Variants in NFASC observed in about 807,000 individuals in gnomAD.
NFASC encodes neurofascin homolog.
A neutral mutation model predicts 147.5 loss-of-function variants in NFASC; 43 were observed. The observed-to-expected ratio is 0.29, with a 90% CI of 0.23 to 0.38. The LOEUF (loss-of-function observed/expected upper bound fraction) is 0.38. NFASC is among the 10% of genes least tolerant of loss of function. The pLI is 1.00. For synonymous variants in NFASC, 622 were observed against 665.5 expected (o/e 0.93, Z 1.01); for missense variants, 1,320 against 1,689.0 (o/e 0.78, Z 3.83).
chr1:204,898,758 G>T (rs965696779), intron 1 of NFASC, among the ~76,000 whole-genome samples: 1 of 152,180 alleles, frequency 6.6e-6, no homozygotes, highest in East Asian at 1.9e-4. Flanking sequence ...AGCTCACACA[G>T]ATCTCCTTTC....
chr1:204,976,555 CAGA>C (rs2095409058), intron 15 of NFASC, 113 bp from the exon 16 acceptor site: 1 of 723,408 alleles, frequency 1.4e-6, no homozygotes, highest in African/African-American at 1.8e-5. Flanking sequence ...CTCATACCCC[CAGA>C]AGGAGCTTCC....
At chr1:204,953,319 C>T (rs559696950) in intron 5 of NFASC, among the ~76,000 whole-genome samples, 24 of 152,286 alleles carry the variant, frequency 1.6e-4, no homozygotes, top group African/African-American at 4.8e-4. Flanking sequence ...CTAATTGAGA[C>T]GGAGTCTCGC....
rs2095614583 is a variant in NFASC, at chr1:204,986,326, G to A, written c.2471-1092G>A. On this transcript the variant is annotated intron_variant, in intron 21 of 29. Coordinates refer to ENST00000339876, the MANE Select transcript of NFASC (RefSeq NM_001005388.3). The surrounding 1 kb of genome is among the most constrained non-coding windows in gnomAD (Gnocchi z 4.2). ...GCCCTGCGAGGAGGTTGTATCTCAA[G>A]AGAAGACCTGTGAGGTCTGCTGACA... Among the ~76,000 whole-genome samples the A allele has an allele frequency of 6.6e-6, 1 of 152,230 alleles. No individual in the cohort carries two copies. The highest frequency in any genetic ancestry group is 1.5e-5 in the Non-Finnish European group (1 of 68,036).
rs570118348 is a variant in NFASC at position 204,899,403 on chromosome 1, G to T, written c.-199-21229G>T. ...GGAGAAGCTCCTGGGGCTGAGGCCG[G>T]CAGCTGGGCAACACTCAGCATCTCT... On this transcript the variant is annotated intron_variant, in intron 1 of 29. Coordinates refer to ENST00000339876, the MANE Select transcript of NFASC (RefSeq NM_001005388.3). Among the ~76,000 whole-genome samples, 28 of 136,220 alleles carry T rather than the reference G, an allele frequency of 2.1e-4. No homozygotes were observed. The East Asian group carries it at 7.1e-3, about 35-fold the overall frequency. The allele number at this position is 136,220 out of a possible 152,430, so 89.4% of individuals were successfully genotyped here. A position where few individuals can be genotyped will look rare whatever the true frequency, so the allele number is the denominator to read the frequency against.
At position 204,888,505 on chromosome 1, in the gene NFASC, A is replaced by C. The variant is rs138989707; in HGVS notation, c.-199-32127A>C. On this transcript the variant is annotated intron_variant, in intron 1 of 29. Coordinates refer to ENST00000339876, the MANE Select transcript of NFASC (RefSeq NM_001005388.3). ...AACTAACTGTCCTTCTAGGGTTAAAACAGAGGGGACTTCCTTATGCTGACT... is the reference window on the plus strand; with the variant it reads ...AACTAACTGTCCTTCTAGGGTTAAACCAGAGGGGACTTCCTTATGCTGACT... Among the ~76,000 whole-genome samples the C allele has an allele frequency of 5.1e-3, 781 of 152,312 alleles. 16 individuals carry two copies. The highest frequency in any genetic ancestry group is 0.045 in the Admixed American group (685 of 15,300).
chr1:204,851,506 T>G (rs1265409157), intron 1 of NFASC, among the ~76,000 whole-genome samples: 1 of 152,008 alleles, frequency 6.6e-6, no homozygotes, highest in African/African-American at 2.4e-5. Flanking sequence ...CCAATTTTTG[T>G]GTTTTTAGTG....
At chr1:204,976,311 AG>A (rs1369997903) in intron 15 of NFASC, among the ~76,000 whole-genome samples, 1 of 152,178 alleles carries the variant, frequency 6.6e-6, no homozygotes, top group Non-Finnish European at 1.5e-5. Flanking sequence ...CAAGTATGAG[AG>A]GAGAAGGAAT....
intron 2 of NFASC, among the ~76,000 whole-genome samples, chr1:204,942,517 C>T (rs2093426768): frequency 1.3e-5 from 2 of 152,164 alleles, no homozygotes; most frequent in Admixed American, 6.5e-5. Flanking sequence ...GGGAGTAGCA[C>T]ATTTCTGTTT....
In NFASC at chr1:205,016,564, C is replaced by T. The variant is rs753421996; in HGVS notation, c.*25C>T. The T allele has an allele frequency of 4.7e-5, 73 of 1,568,538 alleles. 1 individual carries two copies. Among genetic ancestry groups the T allele is most frequent in the Non-Finnish European group, 5.4e-5 (62 of 1,138,928 alleles). The stretch of plus-strand genomic sequence containing the variant: ...ACGGAGCCCACCCAGGCACAGCCAC[C>T]ACTTTGCAAGTGGGAGGAGGGGAGA... On this transcript the variant is annotated 3_prime_UTR_variant, in exon 30 of 30. Transcript: ENST00000339876. The surrounding 1 kb of genome is among the most constrained non-coding windows in gnomAD (Gnocchi z 5.1).
chr1:204,919,157 T>C (rs774315044), intron 1 of NFASC, among the ~76,000 whole-genome samples: 7 of 152,276 alleles, frequency 4.6e-5, no homozygotes, highest in Non-Finnish European at 7.4e-5. Context: ...CCCAAGTAGC[T>C]GGGATTACAG....
chr1:204,939,038 A>ATGGATGTGTGTG lies in NFASC; in HGVS notation c.-90-5186_-90-5185insGATGTGTGTGTG, dbSNP rs1553266033. 1.1e-3 allele frequency among the ~76,000 whole-genome samples: 134 copies of ATGGATGTGTGTG among 123,708 alleles called. 1 individual carries two copies. The highest frequency in any genetic ancestry group is 8.2e-3 in the Middle Eastern group (2 of 244). The allele number at this position is 123,708 out of a possible 152,430, so 81.2% of individuals were successfully genotyped here. On this transcript the variant is annotated intron_variant, in intron 2 of 29. Transcript: ENST00000339876. ...TTCTCTTTTCTTCCTGTATGGATGGATGTGTGTGTGTGTGTGTGTGTGTGT... is the reference window on the plus strand; with the variant it reads ...TTCTCTTTTCTTCCTGTATGGATGGATGGATGTGTGTGTGTGTGTGTGTGTGTGTGTGTGTGT...
In NFASC at chr1:205,001,302, C is replaced by A. The variant is rs530103866; in HGVS notation, c.3136+16C>A. The A allele has an allele frequency of 5.9e-6, 9 of 1,538,184 alleles. No individual in the cohort carries two copies. The highest frequency in any genetic ancestry group is 8.1e-6 in the Non-Finnish European group (9 of 1,115,444). On this transcript the variant is annotated intron_variant, in intron 26 of 29. Transcript: ENST00000339876. The stretch of plus-strand genomic sequence containing the variant: ...TACATCGACAGTAAGCATTGCTGTG[C>A]GGGGTGGTGGTGGCGGCAGCGGCGT...
intron 1 of NFASC, among the ~76,000 whole-genome samples, chr1:204,909,742 T>C (rs1396238846): frequency 6.6e-6 from 1 of 152,244 alleles, no homozygotes; most frequent in Non-Finnish European, 1.5e-5. Context: ...TTTGTCTTTG[T>C]ATAAGGACTT....
chr1:204,923,227 C>T (rs1285866159), intron 2 of NFASC, among the ~76,000 whole-genome samples: 1 of 152,170 alleles, frequency 6.6e-6, no homozygotes, highest in Non-Finnish European at 1.5e-5. Flanking sequence ...AGCTCTGAAA[C>T]CGCCTAAGGA....
At chr1:205,006,416 G>A (rs2096113382) in intron 27 of NFASC, among the ~76,000 whole-genome samples, 1 of 152,230 alleles carries the variant, frequency 6.6e-6, no homozygotes, top group African/African-American at 2.4e-5. Context: ...TCGGAGTTTG[G>A]AGATGGTGTG....
intron 3 of NFASC, chr1:204,946,572 C>T (rs2149836562): frequency 2.2e-6 from 1 of 449,614 alleles, no homozygotes; most frequent in African/African-American, 2.0e-5. Flanking sequence ...ACACACTTTC[C>T]CAGTGGCCAC....
At chr1:205,001,027 T>C (rs2095971243) in intron 25 of NFASC, 143 bp from the exon 26 acceptor site, 1 of 666,506 alleles carries the variant, frequency 1.5e-6, no homozygotes. Flanking sequence ...CTCTCCCCTT[T>C]CCTAGATGAC....
At chr1:204,948,143 G>A (rs12044157) in intron 3 of NFASC, among the ~76,000 whole-genome samples, 34,764 of 152,204 alleles carry the variant, frequency 0.23, 4,857 homozygotes, top group East Asian at 0.67. Context: ...AAGAAACCTC[G>A]CAGACCGAGC....
At chr1:204,862,256 A>G (rs2076742410) in intron 1 of NFASC, among the ~76,000 whole-genome samples, 1 of 152,220 alleles carries the variant, frequency 6.6e-6, no homozygotes, top group African/African-American at 2.4e-5. Context: ...CTACCCTCAT[A>G]GGATAAAGAT....
Sources: gnomAD v4.1 joint callset for allele counts (sites outside exome capture counted in the v4.1 genomes callset) on GRCh38, gnomAD v4.1.1 for gene constraint, Gnocchi (gnomAD v3.1) non-coding constraint, MANE v1.5 for transcripts, NCBI Gene and HGNC (gene_info 2026-07-23, HGNC 2026-07-21) for gene names.